Variants in GABRA2 observed in about 807,000 individuals in gnomAD.
GABRA2 encodes the protein gamma-aminobutyric acid type A receptor subunit alpha2.
Under a neutral mutation model 48.7 loss-of-function variants are expected in GABRA2, and 16 were observed. The ratio of observed to expected loss-of-function variants is 0.33; its 90% CI spans 0.22 to 0.50. The LOEUF (loss-of-function observed/expected upper bound fraction) is 0.50, where lower values mean the gene tolerates loss of function less well. GABRA2 is among the 20% of genes least tolerant of loss of function. The pLI, the probability that GABRA2 is intolerant of heterozygous loss-of-function variation, is 0.98. For missense variants in GABRA2, 275 were observed against 535.6 expected, an observed-to-expected ratio of 0.51 and a Z score of 4.80; for synonymous variants, 185 against 184.5, an observed-to-expected ratio of 1.00 and a Z score of -0.02.
At chr4:46,275,254 A>G (rs754150141) in intron 8 of GABRA2, among the ~76,000 whole-genome samples, 2 of 152,140 alleles carry the variant, frequency 1.3e-5, no homozygotes, top group African/African-American at 2.4e-5. Flanking sequence ...ATAATTTGAT[A>G]GTGATGTTAT....
chr4:46,377,549 G>C (rs1169325786), intron 3 of GABRA2, among the ~76,000 whole-genome samples: 2 of 151,202 alleles, frequency 1.3e-5, no homozygotes, highest in Non-Finnish European at 3.0e-5. Flanking sequence ...CAGCCACCCC[G>C]TCTGGGAAGT....
chr4:46,372,952 G>A (rs537825917), intron 3 of GABRA2, among the ~76,000 whole-genome samples: 1 of 152,244 alleles, frequency 6.6e-6, no homozygotes, highest in East Asian at 1.9e-4. Context: ...ACTTAAATGT[G>A]CACCTGCCCA....
chr4:46,345,376 T>C (rs376997831), intron 3 of GABRA2, among the ~76,000 whole-genome samples: 2 of 151,970 alleles, frequency 1.3e-5, no homozygotes, highest in South Asian at 4.2e-4. Context: ...CAATCACAAT[T>C]CCTAAACATA....
At chr4:46,313,594 C>T (rs950517845) in intron 4 of GABRA2, among the ~76,000 whole-genome samples, 4 of 144,386 alleles carry the variant, frequency 2.8e-5, no homozygotes, top group African/African-American at 1.0e-4. Flanking sequence ...TCTCTCTTTA[C>T]CTCTCTCTCT....
intron 8 of GABRA2, among the ~76,000 whole-genome samples, chr4:46,269,974 A>T (rs892221460): frequency 3.9e-5 from 6 of 151,940 alleles, no homozygotes; most frequent in African/African-American, 1.4e-4. Context: ...GGAATATCTG[A>T]TGGTTGCACT....
chr4:46,370,782 T>G (rs574697592), intron 3 of GABRA2, among the ~76,000 whole-genome samples: 2 of 152,250 alleles, frequency 1.3e-5, no homozygotes, highest in South Asian at 4.1e-4. Context: ...AGCCTTATTC[T>G]GCTAGCTTGT....
rs929842516 is a variant in GABRA2, at chr4:46,288,797, A to G, written c.856+14663T>C. Among the ~76,000 whole-genome samples, 8 of 152,304 alleles carry G rather than the reference A, an allele frequency of 5.3e-5. No individual in the cohort carries two copies. The South Asian group carries it at 1.7e-3, about 32-fold the overall frequency. ...AAGAAAATTTGCAGAATGGGAGACA[A>G]TTTTTGCAAACTATGCATCTGAAAA... On this transcript the variant is annotated intron_variant, in intron 8 of 9. Coordinates refer to ENST00000381620, the MANE Select transcript of GABRA2 (RefSeq NM_000807.4).
intron 8 of GABRA2, among the ~76,000 whole-genome samples, chr4:46,283,423 G>T (rs1403588936): frequency 6.6e-6 from 1 of 152,120 alleles, no homozygotes; most frequent in Non-Finnish European, 1.5e-5. Flanking sequence ...GATGCCCATG[G>T]TGCTGCCGTA....
chr4:46,352,011 C>T (rs1341391348), intron 3 of GABRA2, among the ~76,000 whole-genome samples: 5 of 151,290 alleles, frequency 3.3e-5, no homozygotes, highest in African/African-American at 4.9e-5. Context: ...TTGTTCCTGC[C>T]ATTCCTGGTA....
chr4:46,371,144 C>T (rs1714822844), intron 3 of GABRA2, among the ~76,000 whole-genome samples: 1 of 152,100 alleles, frequency 6.6e-6, no homozygotes, highest in Admixed American at 6.5e-5. Flanking sequence ...AAGGCTTTTT[C>T]TCCTCTTAGC....
intron 3 of GABRA2, among the ~76,000 whole-genome samples, chr4:46,338,468 T>A (rs1258661290): frequency 6.6e-6 from 1 of 151,998 alleles, no homozygotes; most frequent in Non-Finnish European, 1.5e-5. Context: ...CAATCTTCAA[T>A]AATTATTTTA....
In GABRA2 at chr4:46,243,863, A is replaced by G. The variant is rs903004305; in HGVS notation, c.*6445T>C. 5 of 151,590 alleles carry G rather than the reference A, an allele frequency of 3.3e-5. No individual in the cohort carries two copies. The highest frequency in any genetic ancestry group is 7.4e-5 in the Non-Finnish European group (5 of 67,656). The allele number at this position is 151,590 out of a possible 1,614,324, so 9.4% of individuals were successfully genotyped here. On this transcript the variant is annotated 3_prime_UTR_variant, in exon 10 of 10. Transcript: ENST00000381620. ...TGTGATCGTATTATTAATTTGTAGC[A>G]AAGGAAAAATACTTTATTCCTTTTA...
chr4:46,252,554 G>A lies in GABRA2; in HGVS notation c.1060-1950C>T, dbSNP rs141330147. Among the ~76,000 whole-genome samples the A allele has an allele frequency of 3.9e-3, 589 of 151,440 alleles. 2 individuals are homozygous for A. Among genetic ancestry groups the A allele is most frequent in the Non-Finnish European group, 5.9e-3 (402 of 67,622 alleles). The stretch of plus-strand genomic sequence containing the variant: ...GCGCCTATTAAATGGCTGAAAAAGC[G>A]CTCAAACTTAGATGTATCTGACTTC... On this transcript the variant is annotated intron_variant, in intron 9 of 9. Coordinates refer to ENST00000381620, the MANE Select transcript of GABRA2 (RefSeq NM_000807.4).
At chr4:46,268,695 C>T (rs1046094189) in intron 8 of GABRA2, among the ~76,000 whole-genome samples, 5 of 151,718 alleles carry the variant, frequency 3.3e-5, no homozygotes, top group African/African-American at 1.2e-4. Flanking sequence ...GGGAATTTAC[C>T]CCAAAGACTT....
intron 5 of GABRA2, among the ~76,000 whole-genome samples, chr4:46,312,047 C>T (rs1029845728): frequency 2.0e-5 from 3 of 152,030 alleles, no homozygotes; most frequent in Admixed American, 2.0e-4. Flanking sequence ...TGAAGTGAGT[C>T]GAGATTGCAC....
chr4:46,268,523 T>A (rs1306967972), intron 8 of GABRA2, among the ~76,000 whole-genome samples: 1 of 151,928 alleles, frequency 6.6e-6, no homozygotes, highest in African/African-American at 2.4e-5. Context: ...ATGGCTGTTA[T>A]CAAAGGAACA....
intron 3 of GABRA2, among the ~76,000 whole-genome samples, chr4:46,356,991 T>C (rs958871215): frequency 6.6e-6 from 1 of 151,912 alleles, no homozygotes; most frequent in Non-Finnish European, 1.5e-5. Context: ...GTTTTTTTTT[T>C]GTTTTGTTTT....
At chr4:46,258,469 G>T (rs1341526588) in intron 9 of GABRA2, among the ~76,000 whole-genome samples, 2 of 151,822 alleles carry the variant, frequency 1.3e-5, no homozygotes, top group Non-Finnish European at 2.9e-5. Context: ...TATGCTTAGT[G>T]TTGCAGATAT....
At chr4:46,273,940 T>C (rs1169961440) in intron 8 of GABRA2, among the ~76,000 whole-genome samples, 1 of 152,044 alleles carries the variant, frequency 6.6e-6, no homozygotes, top group East Asian at 1.9e-4. Flanking sequence ...AAACTGAAAA[T>C]TATACAACTA....
Sources: gnomAD v4.1 joint callset for allele counts (sites outside exome capture counted in the v4.1 genomes callset) on GRCh38, gnomAD v4.1.1 for gene constraint, MANE v1.5 for transcripts, NCBI Gene and HGNC (gene_info 2026-07-23, HGNC 2026-07-21) for gene names.